Variants in DGKB observed in about 807,000 individuals in gnomAD.
DGKB encodes the protein 90 kDa diacylglycerol kinase.
Under a neutral mutation model 114.3 loss-of-function variants are expected in DGKB, and 67 were observed. The ratio of observed to expected loss-of-function variants is 0.59; its 90% CI spans 0.48 to 0.72. The LOEUF is 0.72. Among genes scored for constraint, DGKB ranks in the 30% least tolerant of loss-of-function variants. The pLI is 0.00. For synonymous variants in DGKB, 398 were observed against 323.1 expected (o/e 1.23, Z -2.49); for missense variants, 907 against 975.2 (o/e 0.93, Z 0.93).
At chr7:14,509,653 G>A (rs1224839688) in intron 20 of DGKB, among the ~76,000 whole-genome samples, 2 of 152,148 alleles carry the variant, frequency 1.3e-5, no homozygotes, top group African/African-American at 4.8e-5. Flanking sequence ...AAGAACAAAG[G>A]GCTTATAAAC....
chr7:14,637,284 C>A (rs1297293124), intron 13 of DGKB, among the ~76,000 whole-genome samples: 1 of 151,648 alleles, frequency 6.6e-6, no homozygotes, highest in African/African-American at 2.4e-5. Flanking sequence ...ATTATATATT[C>A]CTCAGAAAAT....
intron 2 of DGKB, among the ~76,000 whole-genome samples, chr7:14,809,124 CA>C (rs1457875171): frequency 1.3e-5 from 2 of 152,018 alleles, no homozygotes; most frequent in African/African-American, 4.8e-5. Flanking sequence ...CATTATAAAA[CA>C]AGTTTAAAAA....
intron 20 of DGKB, among the ~76,000 whole-genome samples, chr7:14,562,738 A>G (rs1240687783): frequency 5.3e-5 from 8 of 152,154 alleles, no homozygotes; most frequent in Admixed American, 4.6e-4. Context: ...TGTATCTAGG[A>G]AGCAATTAAC....
chr7:14,613,466 G>A, intron 15 of DGKB, 53 bp from the exon 16 acceptor site: 1 of 855,854 alleles, frequency 1.2e-6, no homozygotes. Context: ...TATATATGAA[G>A]AAGACTCCTT....
chr7:14,271,422 T>A (rs1798254890), intron 23 of DGKB, among the ~76,000 whole-genome samples: 1 of 152,162 alleles, frequency 6.6e-6, no homozygotes, highest in Non-Finnish European at 1.5e-5. Context: ...CTGAGCCAAT[T>A]AGTCAAACAG....
chr7:14,775,290 T>A lies in DGKB; in HGVS notation c.71-17559A>T, dbSNP rs574301165. ...TTATAGCTGTACCACAATTTCATTT[T>A]TCAAGCAGCCTCTTATTTTGAGCAT... On this transcript the variant is annotated intron_variant, in intron 2 of 25. Coordinates refer to ENST00000402815, the MANE Select transcript of DGKB (RefSeq NM_001350709.2). Among the ~76,000 whole-genome samples, 48 of 152,156 alleles carry A rather than the reference T, an allele frequency of 3.2e-4. 1 individual carries two copies. Among genetic ancestry groups the A allele is most frequent in the African/African-American group, 1.1e-3 (44 of 41,540 alleles).
chr7:14,165,541 C>G (rs1784496975), intron 25 of DGKB, among the ~76,000 whole-genome samples: 1 of 152,148 alleles, frequency 6.6e-6, no homozygotes. Flanking sequence ...AGTCAAGAAA[C>G]ATAGTTCTAT....
intron 13 of DGKB, among the ~76,000 whole-genome samples, chr7:14,633,518 A>C (rs2128855285): frequency 6.6e-6 from 1 of 152,088 alleles, no homozygotes; most frequent in South Asian, 2.1e-4. Flanking sequence ...TACAATGAGC[A>C]AACCATGGTA....
At chr7:14,835,951 A>G (rs903191528) in intron 2 of DGKB, among the ~76,000 whole-genome samples, 1 of 152,170 alleles carries the variant, frequency 6.6e-6, no homozygotes, top group African/African-American at 2.4e-5. Context: ...ACACTTGTAT[A>G]CTATTTACAG....
intron 16 of DGKB, among the ~76,000 whole-genome samples, chr7:14,608,680 TG>T (rs1215758811): frequency 6.6e-6 from 1 of 151,994 alleles, no homozygotes; most frequent in East Asian, 1.9e-4. Context: ...CTCAGAAAAC[TG>T]TCAAAATTCC....
intron 1 of DGKB, among the ~76,000 whole-genome samples, chr7:14,845,106 C>CAAAAAAAAAAAAAAAAAAAAAA (rs59367496): frequency 3.4e-5 from 3 of 89,266 alleles, no homozygotes; most frequent in South Asian, 3.7e-4. Context: ...GGCCCTGTGT[C>CAAAAAAAAAAAAAAAAAAAAAA]AAAAAAAAAA....
intron 23 of DGKB, among the ~76,000 whole-genome samples, chr7:14,206,799 T>A (rs1406721293): frequency 6.6e-6 from 1 of 152,064 alleles, no homozygotes; most frequent in Non-Finnish European, 1.5e-5. Context: ...GCAAGTAATA[T>A]TATAATGCAT....
Position 14,392,995 on chromosome 7 carries a change from G to GTTTTTGTTTTTTTTTTT in DGKB, c.1836-47605_1836-47604insAAAAAAAAAAACAAAAA. Among the ~76,000 whole-genome samples, 172 of 60,422 alleles carry GTTTTTGTTTTTTTTTTT rather than the reference G, an allele frequency of 2.8e-3. 29 individuals are homozygous for GTTTTTGTTTTTTTTTTT. The highest frequency in any genetic ancestry group is 6.4e-3 in the Admixed American group (28 of 4,380). 39.6% of individuals were successfully genotyped at this position (60,422 alleles called of 152,430 possible). On this transcript the variant is annotated intron_variant, in intron 21 of 25. Transcript: ENST00000402815. The stretch of plus-strand genomic sequence containing the variant: ...CAAAACAGACCTGTTTTTTGTTTTT[G>GTTTTTGTTTTTTTTTTT]TTTTTTTTTTTTTGAGACGGAGTCT...
Position 14,518,047 on chromosome 7 carries a change from A to G in DGKB, c.1771-39822T>C, listed in dbSNP as rs549008778. 2.1e-3 allele frequency among the ~76,000 whole-genome samples: 319 copies of G among 152,306 alleles called. 2 individuals carry two copies. Among genetic ancestry groups the G allele is most frequent in the African/African-American group, 7.2e-3 (298 of 41,580 alleles). On this transcript the variant is annotated intron_variant, in intron 20 of 25. Coordinates refer to ENST00000402815, the MANE Select transcript of DGKB (RefSeq NM_001350709.2). ...TACAGCACTATTCACAATAGCAAAGACATGGAATCAACCTAAATGCCTATC... is the reference window on the plus strand; with the variant it reads ...TACAGCACTATTCACAATAGCAAAGGCATGGAATCAACCTAAATGCCTATC...
chr7:14,888,982 T>C (rs944745168), intron 1 of DGKB, among the ~76,000 whole-genome samples: 1 of 151,554 alleles, frequency 6.6e-6, no homozygotes. Flanking sequence ...ACACCATGGA[T>C]TGTAGCAGCC....
chr7:14,646,797 A>T (rs1407755749), intron 13 of DGKB, among the ~76,000 whole-genome samples: 2 of 152,084 alleles, frequency 1.3e-5, no homozygotes, highest in Non-Finnish European at 2.9e-5. Context: ...AGACATGAAA[A>T]TAGAAATACC....
intron 1 of DGKB, among the ~76,000 whole-genome samples, chr7:14,922,388 G>GTATGTC (rs113507002): frequency 6.6e-6 from 1 of 150,928 alleles, no homozygotes; most frequent in African/African-American, 2.4e-5. Flanking sequence ...GTGTGTGTGT[G>GTATGTC]TGTGTGTGTG....
chr7:14,596,171 A>G (rs1802545943), intron 17 of DGKB, among the ~76,000 whole-genome samples: 1 of 152,214 alleles, frequency 6.6e-6, no homozygotes, highest in Admixed American at 6.5e-5. Context: ...GTGCTCTACA[A>G]GCACAGGAAT....
chr7:14,182,758 G>C (rs906294001), intron 23 of DGKB, among the ~76,000 whole-genome samples: 3 of 152,170 alleles, frequency 2.0e-5, no homozygotes, highest in African/African-American at 7.2e-5. Context: ...TCATAGCTTA[G>C]TCTTCATTTT....
Sources: gnomAD v4.1 joint callset for allele counts (sites outside exome capture counted in the v4.1 genomes callset) on GRCh38, gnomAD v4.1.1 for gene constraint, MANE v1.5 for transcripts, NCBI Gene and HGNC (gene_info 2026-07-23, HGNC 2026-07-21) for gene names.